The following USP34 variants were observed in gnomAD, a reference collection of about 807,000 sequenced individuals.
USP34 encodes the protein ubiquitin carboxyl-terminal hydrolase 34.
USP34 carries 70 observed loss-of-function variants against 460.3 expected under a neutral mutation model. The observed-to-expected ratio is 0.15, with a 90% CI of 0.13 to 0.19. The LOEUF is 0.19. USP34 is among the 10% of genes least tolerant of loss of function. The probability of loss-of-function intolerance (pLI) is 1.00; values close to 1 mark genes in which losing one functional copy is unlikely to be tolerated. For missense variants in USP34, 3,985 were observed against 4,236.2 expected (o/e 0.94, Z 1.65); for synonymous variants, 1,647 against 1,405.3 (o/e 1.17, Z -3.85).
intron 41 of USP34, among the ~76,000 whole-genome samples, chr2:61,267,658 G>C (rs1454506150): frequency 6.6e-6 from 1 of 152,012 alleles, no homozygotes; most frequent in Admixed American, 6.5e-5. Context: ...CTGTCGCCCA[G>C]GCTGGAGTGC....
chr2:61,319,031 T>C (rs959869607), intron 22 of USP34, 142 bp downstream of exon 22: 4 of 727,714 alleles, frequency 5.5e-6, no homozygotes, highest in African/African-American at 1.9e-5. Flanking sequence ...TGACCAAAAA[T>C]TATATTAGGA....
At chr2:61,209,772 A>C (rs1273547453) in intron 69 of USP34, among the ~76,000 whole-genome samples, 1 of 152,218 alleles carries the variant, frequency 6.6e-6, no homozygotes, top group African/African-American at 2.4e-5. Context: ...TTCCAGAAGA[A>C]GGCATCATTG....
At chr2:61,314,770 A>ATAT (rs1413282453) in intron 24 of USP34, 26 bp from the exon 25 acceptor site, 1 of 1,578,316 alleles carries the variant, frequency 6.3e-7, no homozygotes, top group East Asian at 2.2e-5. Flanking sequence ...TTAGACACAT[A>ATAT]TATTAGCCTT....
intron 1 of USP34, among the ~76,000 whole-genome samples, chr2:61,445,222 T>TAAAA (rs57854651): frequency 7.4e-5 from 3 of 40,646 alleles, no homozygotes; most frequent in African/African-American, 3.2e-4. Flanking sequence ...AGAACCACAC[T>TAAAA]AAAAAAAAAA....
chr2:61,378,218 C>T (rs1572983079), intron 8 of USP34, 145 bp downstream of exon 8: 1 of 588,830 alleles, frequency 1.7e-6, no homozygotes, highest in South Asian at 2.1e-5. Flanking sequence ...GCATAATGTT[C>T]TGAAAGCTTC....
chr2:61,439,723 A>G (rs1694912893), intron 1 of USP34, among the ~76,000 whole-genome samples: 1 of 151,976 alleles, frequency 6.6e-6, no homozygotes, highest in South Asian at 2.1e-4. Flanking sequence ...CTGACCTGTG[A>G]CCCTTGCCTG....
At chr2:61,445,121 A>C (rs1695071802) in intron 1 of USP34, among the ~76,000 whole-genome samples, 1 of 151,382 alleles carries the variant, frequency 6.6e-6, no homozygotes, top group South Asian at 2.1e-4. Flanking sequence ...TTTAGAAAAC[A>C]AGCAAACACT....
chr2:61,413,698 G>A (rs1292277589), intron 2 of USP34, among the ~76,000 whole-genome samples: 3 of 135,642 alleles, frequency 2.2e-5, no homozygotes, highest in African/African-American at 8.5e-5. Flanking sequence ...AACAAAAGAG[G>A]CCGAGTGAGT....
chr2:61,320,669 G>T (rs182690002), intron 21 of USP34, among the ~76,000 whole-genome samples: 2 of 152,154 alleles, frequency 1.3e-5, no homozygotes, highest in East Asian at 1.9e-4. Context: ...GTTTGAGACC[G>T]GTCTGGGCAA....
Position 61,294,981 on chromosome 2 carries a change from C to G in USP34, c.4429G>C (p.Val1477Leu). ...CTCCAGGAATTTTTACTATTTTCCA[C>G]TTGATCTTCACTTGAATCATCTGAA... ...PDSDDSSEDQVENSKNSWSCK... is the reference protein window; with the variant it reads ...PDSDDSSEDQLENSKNSWSCK... The change falls in exon 32 of 80, where the codon GTG becomes CTG. Residue 1477 changes from valine to leucine, a missense_variant. By Grantham distance (32) the Val-to-Leu change is conservative. Coordinates refer to ENST00000398571, the MANE Select transcript of USP34 (RefSeq NM_014709.4). 6.2e-7 allele frequency: 1 copy of G among 1,612,970 alleles called. No individual in the cohort carries two copies. The highest frequency in any genetic ancestry group is 8.5e-7 in the Non-Finnish European group (1 of 1,179,540).
At chr2:61,390,916 G>GA (rs1398739358) in intron 5 of USP34, among the ~76,000 whole-genome samples, 1 of 151,984 alleles carries the variant, frequency 6.6e-6, no homozygotes, top group Non-Finnish European at 1.5e-5. Context: ...CCAACATGGT[G>GA]AAACCCCATC....
At chr2:61,279,101 T>G (rs61645748) in intron 39 of USP34, among the ~76,000 whole-genome samples, 4,001 of 151,818 alleles carry the variant, frequency 0.026, 185 homozygotes, top group African/African-American at 0.092. Flanking sequence ...CCAGGTTGTT[T>G]TTTTTTTTTA....
At chr2:61,413,050 C>T (rs1694088323) in intron 2 of USP34, among the ~76,000 whole-genome samples, 1 of 152,048 alleles carries the variant, frequency 6.6e-6, no homozygotes, top group Non-Finnish European at 1.5e-5. Context: ...GACAAAATTT[C>T]TGAAGCTGAG....
chr2:61,270,940 C>T (rs916134332), intron 41 of USP34, among the ~76,000 whole-genome samples: 2 of 152,092 alleles, frequency 1.3e-5, no homozygotes, highest in Non-Finnish European at 2.9e-5. Context: ...CATATTCTTT[C>T]CTATGAGTTA....
chr2:61,236,273 A>AG, intron 54 of USP34, 37 bp from the exon 55 acceptor site: 1 of 1,595,422 alleles, frequency 6.3e-7, no homozygotes, highest in Non-Finnish European at 8.5e-7. Context: ...ATTCACACGT[A>AG]AGATTTTTTT....
At chr2:61,323,979 TTAAA>T (rs1194822012) in intron 21 of USP34, among the ~76,000 whole-genome samples, 1 of 152,108 alleles carries the variant, frequency 6.6e-6, no homozygotes, top group Non-Finnish European at 1.5e-5. Context: ...GAAACAGACT[TTAAA>T]TAACAAGATA....
intron 75 of USP34, chr2:61,200,433 T>C (rs1400782888): frequency 1.3e-5 from 2 of 152,358 alleles, no homozygotes; most frequent in Admixed American, 6.5e-5. Flanking sequence ...CTCTCGCTTA[T>C]TATTTAGTAT....
chr2:61,413,527 G>A (rs1440552100), intron 2 of USP34, among the ~76,000 whole-genome samples: 1 of 144,620 alleles, frequency 6.9e-6, no homozygotes, highest in Non-Finnish European at 1.5e-5. Context: ...GGCAACATGG[G>A]GAAACCCCGT....
Position 61,314,868 on chromosome 2 carries a change from C to T in USP34, c.3382+7G>A, listed in dbSNP as rs377146908. ...TTACCTATCAGACAATGTTTCAAAT[C>T]ACTTACCATTAATATAATAGGAGTT... On this transcript the variant is annotated splice_region_variant and intron_variant, in intron 24 of 79. Coordinates refer to ENST00000398571, the MANE Select transcript of USP34 (RefSeq NM_014709.4). 1.2e-5 allele frequency: 19 copies of T among 1,602,444 alleles called. No individual in the cohort carries two copies. Among genetic ancestry groups the T allele is most frequent in the Non-Finnish European group, 1.4e-5 (17 of 1,177,106 alleles).
Sources: gnomAD v4.1 joint callset for allele counts (sites outside exome capture counted in the v4.1 genomes callset) on GRCh38, gnomAD v4.1.1 for gene constraint, MANE v1.5 for transcripts, NCBI Gene and HGNC (gene_info 2026-07-23, HGNC 2026-07-21) for gene names.